NCK1: variants seen among roughly 807,000 people sequenced by gnomAD.
NCK1 encodes the protein NCK adaptor protein 1.
In NCK1, 19 loss-of-function variants were observed where a neutral mutation model predicts 36.6. The ratio of observed to expected loss-of-function variants is 0.52; its 90% CI spans 0.36 to 0.76. The LOEUF (loss-of-function observed/expected upper bound fraction) is 0.76, where lower values mean the gene tolerates loss of function less well. NCK1 is among the 30% of genes least tolerant of loss of function. The pLI is 0.00. For missense variants in NCK1, 358 were observed against 445.6 expected, an observed-to-expected ratio of 0.80 and a Z score of 1.77; for synonymous variants, 165 against 156.0, an observed-to-expected ratio of 1.06 and a Z score of -0.43.
Position 136,946,071 on chromosome 3 carries a change from G to C in NCK1, c.715G>C (p.Val239Leu). The C allele has an allele frequency of 1.2e-6, 2 of 1,613,910 alleles. No individual in the cohort carries two copies. Among genetic ancestry groups the C allele is most frequent in the Non-Finnish European group, 1.7e-6 (2 of 1,179,944 alleles). ...WWKCRKINGM[V>L]GLVPKNYVTV... Reference sequence around the variant, plus strand: ...GAAATGCAGGAAGATCAATGGTATGGTTGGTCTAGTACCAAAAAACTATGT... The same window carrying C: ...GAAATGCAGGAAGATCAATGGTATGCTTGGTCTAGTACCAAAAAACTATGT... Residue 239 changes from valine to leucine, a missense_variant, in exon 3 of 4, where the codon GTT (valine) becomes CTT (leucine). Val to Leu is a conservative substitution (Grantham distance 32, BLOSUM62 1). This residue lies in a region of NCK1 where 207 missense variants were observed against 253.4 expected (regional missense o/e 0.82). Transcript: ENST00000481752.
intron 2 of NCK1, among the ~76,000 whole-genome samples, chr3:136,938,721 T>C (rs975850920): frequency 6.6e-6 from 1 of 152,238 alleles, no homozygotes; most frequent in African/African-American, 2.4e-5. Flanking sequence ...ACAATTTATA[T>C]TAAAGTGTCT....
intron 2 of NCK1, chr3:136,930,490 A>G (rs1470071448): frequency 5.9e-5 from 79 of 1,341,606 alleles, no homozygotes; most frequent in Non-Finnish European, 7.6e-5. Flanking sequence ...TGCAGAACAG[A>G]CGAGGAAGCT....
At chr3:136,926,901 G>A (rs1476419522) in intron 1 of NCK1, among the ~76,000 whole-genome samples, 2 of 152,182 alleles carry the variant, frequency 1.3e-5, no homozygotes, top group Non-Finnish European at 2.9e-5. Flanking sequence ...GCAATATTCT[G>A]TATATGTCTA....
intron 1 of NCK1, among the ~76,000 whole-genome samples, chr3:136,885,853 T>TA (rs1939061387): frequency 1.3e-5 from 2 of 152,348 alleles, no homozygotes; most frequent in South Asian, 2.1e-4. Flanking sequence ...TCATAAGAGA[T>TA]ATGTTCTTTT....
intron 2 of NCK1, among the ~76,000 whole-genome samples, chr3:136,940,349 G>A (rs989596288): frequency 1.3e-5 from 2 of 152,094 alleles, no homozygotes; most frequent in African/African-American, 4.8e-5. Flanking sequence ...ATTTAGTTCT[G>A]TCCCTTACAG....
chr3:136,929,292 A>C (rs1484996412), intron 2 of NCK1, among the ~76,000 whole-genome samples: 1 of 152,196 alleles, frequency 6.6e-6, no homozygotes, highest in African/African-American at 2.4e-5. Context: ...ATTATCAATA[A>C]AATACAAATA....
chr3:136,907,373 A>C (rs114289796), intron 1 of NCK1, among the ~76,000 whole-genome samples: 1 of 152,146 alleles, frequency 6.6e-6, no homozygotes. Flanking sequence ...GGCTCTCAAA[A>C]TGAAGGTACA....
At chr3:136,909,216 T>C (rs1289212099) in intron 1 of NCK1, among the ~76,000 whole-genome samples, 1 of 152,066 alleles carries the variant, frequency 6.6e-6, no homozygotes, top group African/African-American at 2.4e-5. Flanking sequence ...GAGGCAGAAG[T>C]TAGGTAGAAT....
At chr3:136,929,673 A>G (rs1196822457) in intron 2 of NCK1, among the ~76,000 whole-genome samples, 1 of 152,220 alleles carries the variant, frequency 6.6e-6, no homozygotes, top group Admixed American at 6.5e-5. Context: ...AGTATGCCTC[A>G]TAGTGATACG....
chr3:136,904,157 A>T (rs187823090), intron 1 of NCK1, among the ~76,000 whole-genome samples: 221 of 151,956 alleles, frequency 1.5e-3, no homozygotes, highest in African/African-American at 2.7e-3. Flanking sequence ...AGCACTTTTT[A>T]AAAAAATTAT....
rs748740667 is a variant in NCK1, at chr3:136,930,243, CA to C, written c.226+2020del. On this transcript the variant is annotated intron_variant, in intron 2 of 3. Transcript: ENST00000481752. ...AAAGTTGAGAAGGAAAAGGGGAAAA[CA>C]AAAGGATTAATTCATGAATATATTT... 9.9e-5 allele frequency among the ~76,000 whole-genome samples: 15 copies of C among 152,080 alleles called. No individual in the cohort carries two copies. In the East Asian group the frequency reaches 1.5e-3, roughly 16 times the overall value.
At chr3:136,884,444 T>G (rs1939021604) in intron 1 of NCK1, among the ~76,000 whole-genome samples, 1 of 152,164 alleles carries the variant, frequency 6.6e-6, no homozygotes, top group African/African-American at 2.4e-5. Flanking sequence ...TGAGTTCTTG[T>G]CTTTTCTTTT....
chr3:136,951,081 A>G lies in NCK1; in HGVS notation c.*2628A>G, dbSNP rs982262698. Among the ~76,000 whole-genome samples, 4 of 152,186 alleles carry G rather than the reference A, an allele frequency of 2.6e-5. No homozygotes were observed. The highest frequency in any genetic ancestry group is 5.9e-5 in the Non-Finnish European group (4 of 68,014). ...AAACAAAATAGGCTTCATGCAATCTATTGCCATTGCTAGAAGAATAAATAG... is the reference window on the plus strand; with the variant it reads ...AAACAAAATAGGCTTCATGCAATCTGTTGCCATTGCTAGAAGAATAAATAG... On this transcript the variant is annotated 3_prime_UTR_variant, in exon 4 of 4. Coordinates refer to ENST00000481752, the MANE Select transcript of NCK1 (RefSeq NM_001291999.2).
chr3:136,875,220 T>C (rs775274058), intron 1 of NCK1, among the ~76,000 whole-genome samples: 2 of 152,220 alleles, frequency 1.3e-5, no homozygotes, highest in Admixed American at 6.5e-5. Flanking sequence ...TTTTTGCCCA[T>C]TGATTTTGTA....
At chr3:136,870,184 A>T (rs1461582383) in intron 1 of NCK1, among the ~76,000 whole-genome samples, 3 of 151,930 alleles carry the variant, frequency 2.0e-5, no homozygotes, top group African/African-American at 7.3e-5. Flanking sequence ...TCTACTAATA[A>T]TACAAAATTT....
chr3:136,886,712 G>A (rs1479220100), intron 1 of NCK1, among the ~76,000 whole-genome samples: 1 of 151,742 alleles, frequency 6.6e-6, no homozygotes, highest in East Asian at 1.9e-4. Context: ...TTTCTTGTAT[G>A]CCTTTTCATT....
chr3:136,869,662 C>A (rs1200085983), intron 1 of NCK1, among the ~76,000 whole-genome samples: 1 of 152,144 alleles, frequency 6.6e-6, no homozygotes. Context: ...GTAACAGAAA[C>A]CATGTATGGT....
chr3:136,935,204 T>C (rs187626469), intron 2 of NCK1, among the ~76,000 whole-genome samples: 1 of 152,254 alleles, frequency 6.6e-6, no homozygotes, highest in East Asian at 1.9e-4. Context: ...TGGGCCATTC[T>C]TTTTTTGACA....
chr3:136,943,166 G>A (rs1262035054), intron 2 of NCK1, among the ~76,000 whole-genome samples: 1 of 151,820 alleles, frequency 6.6e-6, no homozygotes, highest in South Asian at 2.1e-4. Flanking sequence ...AGATTCCAGA[G>A]TTCTGCAAAA....
Sources: gnomAD v4.1 joint callset for allele counts (sites outside exome capture counted in the v4.1 genomes callset) on GRCh38, gnomAD v4.1.1 for gene constraint, gnomAD v4.1.1 regional missense constraint, MANE v1.5 for transcripts, NCBI Gene and HGNC (gene_info 2026-07-23, HGNC 2026-07-21) for gene names.